The following AGPAT3 variants were observed in gnomAD, a reference collection of about 807,000 sequenced individuals.
The protein encoded by AGPAT3 is 1-acylglycerol-3-phosphate O-acyltransferase 3, also known as 1-acyl-sn-glycerol-3-phosphate acyltransferase gamma.
Under a neutral mutation model 47.3 loss-of-function variants are expected in AGPAT3, and 5 were observed. The ratio of observed to expected loss-of-function variants is 0.11; its 90% CI spans 0.06 to 0.22. AGPAT3 has a LOEUF of 0.22. Ranked by LOEUF, AGPAT3 falls within the 10% of genes least tolerant of loss-of-function variation. The pLI is 1.00. For missense variants in AGPAT3, 315 were observed against 493.0 expected (o/e 0.64, Z 3.42); for synonymous variants, 212 against 208.3 (o/e 1.02, Z -0.15).
intron 1 of AGPAT3, among the ~76,000 whole-genome samples, chr21:43,892,070 G>A (rs1191879817): frequency 1.3e-5 from 2 of 152,192 alleles, no homozygotes; most frequent in Admixed American, 1.3e-4. Context: ...ACTTTGTGAG[G>A]CTGAGGTGGG....
At chr21:43,948,817 G>A (rs2088036734) in intron 2 of AGPAT3, among the ~76,000 whole-genome samples, 1 of 152,218 alleles carries the variant, frequency 6.6e-6, no homozygotes, top group Admixed American at 6.5e-5. Context: ...TGTGAGATGT[G>A]TGTTGTTGAC....
chr21:43,961,610 A>G (rs909126409), intron 3 of AGPAT3, among the ~76,000 whole-genome samples: 11 of 150,492 alleles, frequency 7.3e-5, no homozygotes, highest in African/African-American at 1.2e-4. Context: ...ACCCACATAC[A>G]CTTTGTCTCA....
At chr21:43,971,105 C>G (rs200798311) in intron 6 of AGPAT3, among the ~76,000 whole-genome samples, 1 of 152,094 alleles carries the variant, frequency 6.6e-6, no homozygotes, top group Non-Finnish European at 1.5e-5. Context: ...AAGAAAGGGA[C>G]AAAGAACAGA....
At chr21:43,867,109 C>T (rs1419992195) in intron 1 of AGPAT3, 1 of 152,278 alleles carries the variant, frequency 6.6e-6, no homozygotes, top group Non-Finnish European at 1.5e-5. Flanking sequence ...AGAGCATTCA[C>T]CAAAGTAATC....
intron 7 of AGPAT3, among the ~76,000 whole-genome samples, chr21:43,973,112 C>G (rs2089463915): frequency 6.6e-6 from 1 of 152,252 alleles, no homozygotes; most frequent in Non-Finnish European, 1.5e-5. Context: ...TGAACATAAA[C>G]ATAAGCTAGG....
chr21:43,892,408 A>G (rs1190177688), intron 1 of AGPAT3, among the ~76,000 whole-genome samples: 1 of 152,190 alleles, frequency 6.6e-6, no homozygotes, highest in Non-Finnish European at 1.5e-5. Flanking sequence ...CTCCTTGTGC[A>G]TCTCCCCCAG....
chr21:43,879,761 C>T lies in AGPAT3; in HGVS notation c.-112+14416C>T, dbSNP rs182909917. On this transcript the variant is annotated intron_variant, in intron 1 of 9. Coordinates refer to ENST00000291572, the MANE Select transcript of AGPAT3 (RefSeq NM_020132.5). The stretch of plus-strand genomic sequence containing the variant: ...TCTGCACTCTGAGTCCTGGCTGGGC[C>T]GCCCGGGGATGATGGCACTTAGGGA... Among the ~76,000 whole-genome samples, 631 of 152,148 alleles carry T rather than the reference C, an allele frequency of 4.1e-3. 8 individuals are homozygous for T. Among genetic ancestry groups the T allele is most frequent in the Non-Finnish European group, 3.6e-3 (245 of 67,982 alleles).
At chr21:43,960,672 G>A in intron 3 of AGPAT3, 1 of 906,830 alleles carries the variant, frequency 1.1e-6, no homozygotes, top group African/African-American at 1.8e-5. Context: ...TGTCACTGGA[G>A]ACTAATTATG....
At chr21:43,926,232 C>T (rs866199192) in intron 2 of AGPAT3, among the ~76,000 whole-genome samples, 2 of 152,350 alleles carry the variant, frequency 1.3e-5, no homozygotes, top group Non-Finnish European at 1.5e-5. Flanking sequence ...ACATGGACTC[C>T]AGCTCCTCAG....
intron 1 of AGPAT3, among the ~76,000 whole-genome samples, chr21:43,869,931 A>G (rs571217807): frequency 3.0e-4 from 45 of 152,288 alleles, no homozygotes; most frequent in African/African-American, 9.9e-4. Context: ...GACTCAAACT[A>G]TTGGGCTCAA....
chr21:43,943,905 C>A (rs1456409525), intron 2 of AGPAT3, among the ~76,000 whole-genome samples: 1 of 152,224 alleles, frequency 6.6e-6, no homozygotes, highest in Non-Finnish European at 1.5e-5. Context: ...GCCGCCTAAA[C>A]CACTTTCCCG....
intron 1 of AGPAT3, among the ~76,000 whole-genome samples, chr21:43,891,833 T>C (rs2086108009): frequency 6.6e-6 from 1 of 152,188 alleles, no homozygotes; most frequent in African/African-American, 2.4e-5. Context: ...TTCTAAACTA[T>C]TAATGTTGAT....
intron 3 of AGPAT3, among the ~76,000 whole-genome samples, chr21:43,961,662 G>A (rs549357172): frequency 9.9e-5 from 15 of 150,792 alleles, no homozygotes; most frequent in South Asian, 2.1e-4. Flanking sequence ...TCTCATGTGG[G>A]AAATGGTGAG....
At chr21:43,865,392 C>T (rs991090596) in intron 1 of AGPAT3, 47 bp downstream of exon 1, 2 of 146,658 alleles carry the variant, frequency 1.4e-5, no homozygotes, top group African/African-American at 4.9e-5. Flanking sequence ...CCCCTCTTCC[C>T]CCACGCCCCG....
At chr21:43,879,249 C>T (rs1028655258) in intron 1 of AGPAT3, among the ~76,000 whole-genome samples, 1 of 149,152 alleles carries the variant, frequency 6.7e-6, no homozygotes, top group African/African-American at 2.5e-5. Flanking sequence ...TCTCAGAAGG[C>T]TGAGACATGA....
At chr21:43,923,180 C>A (rs1282627843) in intron 2 of AGPAT3, among the ~76,000 whole-genome samples, 2 of 150,864 alleles carry the variant, frequency 1.3e-5, no homozygotes, top group Admixed American at 6.6e-5. Flanking sequence ...ACCACCAGTG[C>A]CCAGGGCTCC....
intron 2 of AGPAT3, among the ~76,000 whole-genome samples, chr21:43,913,637 T>C (rs1374685839): frequency 6.6e-6 from 1 of 152,186 alleles, no homozygotes; most frequent in Non-Finnish European, 1.5e-5. Flanking sequence ...GTTGCGGCTA[T>C]TGTGGTCCTT....
intron 2 of AGPAT3, among the ~76,000 whole-genome samples, chr21:43,943,235 C>T (rs575899205): frequency 2.4e-4 from 36 of 152,138 alleles, no homozygotes; most frequent in African/African-American, 7.0e-4. Context: ...CCACCACGCC[C>T]GGCTAATTTT....
chr21:43,983,798 C>T lies in AGPAT3; in HGVS notation c.*1406C>T, dbSNP rs773924313. On this transcript the variant is annotated 3_prime_UTR_variant, in exon 10 of 10. Transcript: ENST00000291572. ...TGCTTGTTCTAAGTCACAGCGCCCT[C>T]ATCTTTTTAGCAAGGTAAAAAAACC... 2.6e-5 allele frequency: 4 copies of T among 152,226 alleles called. No individual in the cohort carries two copies. Among genetic ancestry groups the T allele is most frequent in the Admixed American group, 6.5e-5 (1 of 15,292 alleles). The allele number at this position is 152,226 out of a possible 1,614,324, so 9.4% of individuals were successfully genotyped here. A position where few individuals can be genotyped will look rare whatever the true frequency, so the allele number is the denominator to read the frequency against.
Sources: gnomAD v4.1 joint callset for allele counts (sites outside exome capture counted in the v4.1 genomes callset) on GRCh38, gnomAD v4.1.1 for gene constraint, MANE v1.5 for transcripts, NCBI Gene and HGNC (gene_info 2026-07-23, HGNC 2026-07-21) for gene names.